SLC66A2: variants seen among roughly 807,000 people sequenced by gnomAD.
SLC66A2 encodes the protein solute carrier family 66 member 2.
Under a neutral mutation model 25.5 loss-of-function variants are expected in SLC66A2, and 23 were observed. The ratio of observed to expected loss-of-function variants is 0.90; its 90% CI spans 0.65 to 1.28. The LOEUF (loss-of-function observed/expected upper bound fraction) is 1.28, where lower values mean the gene tolerates loss of function less well. Ranked by LOEUF, SLC66A2 falls within the 50% of genes most tolerant of loss-of-function variation. The pLI is 0.00. For synonymous variants in SLC66A2, 193 were observed against 166.5 expected, an observed-to-expected ratio of 1.16 and a Z score of -1.23; for missense variants, 396 against 373.1, an observed-to-expected ratio of 1.06 and a Z score of -0.51.
At chr18:79,936,463 C>A (rs546984466) in intron 3 of SLC66A2, among the ~76,000 whole-genome samples, 1 of 152,166 alleles carries the variant, frequency 6.6e-6, no homozygotes, top group African/African-American at 2.4e-5. Flanking sequence ...TGTGCAAACA[C>A]CATCACTATC....
At position 79,918,420 on chromosome 18, in the gene SLC66A2, C is replaced by CCG. The variant is rs1555702988; in HGVS notation, c.608+763_608+764insCG. On this transcript the variant is annotated intron_variant, in intron 5 of 5. Coordinates refer to ENST00000397778, the MANE Select transcript of SLC66A2 (RefSeq NM_025078.5). This position sits in a 1 kb window ranked among gnomAD's most constrained non-coding sequence, Gnocchi z 4.0. ...GCGGATCCCCAGTGAGGAGCGGGCC[C>CCG]GGGGGGGGGTCCCCAGTGAGGAGCG... Among the ~76,000 whole-genome samples, 1 of 109,016 alleles carries CCG rather than the reference C, an allele frequency of 9.2e-6. No individual in the cohort carries two copies. The highest frequency in any genetic ancestry group is 3.2e-4 in the South Asian group (1 of 3,118). The allele number at this position is 109,016 out of a possible 152,430, so 71.5% of individuals were successfully genotyped here. A position where few individuals can be genotyped will look rare whatever the true frequency, so the allele number is the denominator to read the frequency against.
intron 5 of SLC66A2, among the ~76,000 whole-genome samples, chr18:79,911,582 G>A (rs529659700): frequency 1.3e-5 from 2 of 152,356 alleles, no homozygotes; most frequent in East Asian, 1.9e-4. Flanking sequence ...CTGCAGGCAC[G>A]GAGCCATCAC....
At chr18:79,945,564 T>C (rs1179138470) in intron 2 of SLC66A2, among the ~76,000 whole-genome samples, 1 of 152,042 alleles carries the variant, frequency 6.6e-6, no homozygotes, top group African/African-American at 2.4e-5. Flanking sequence ...AAGGCAAGAC[T>C]AAGAGGCAAA....
rs1282832271 is a variant in SLC66A2, at chr18:79,950,956, G to C, written c.-30C>G. On this transcript the variant is annotated 5_prime_UTR_variant, in exon 2 of 6. Transcript: ENST00000397778. Reference sequence around the variant, plus strand: ...GCGCCCGCCTGGCCGAGGCTGTCACGGGCTCCGCGCCCCGCGGGCCACCGG... The same window carrying C: ...GCGCCCGCCTGGCCGAGGCTGTCACCGGCTCCGCGCCCCGCGGGCCACCGG... 1 of 1,479,000 alleles carries C rather than the reference G, an allele frequency of 6.8e-7. No individual in the cohort carries two copies. Among genetic ancestry groups the C allele is most frequent in the South Asian group, 1.3e-5 (1 of 77,548 alleles). 91.6% of individuals were successfully genotyped at this position (1,479,000 alleles called of 1,614,324 possible).
chr18:79,945,838 G>A (rs2050906851), intron 2 of SLC66A2, among the ~76,000 whole-genome samples: 1 of 152,216 alleles, frequency 6.6e-6, no homozygotes, highest in African/African-American at 2.4e-5. Context: ...TCACTTCCAG[G>A]GCCGTTCTCC....
intron 5 of SLC66A2, among the ~76,000 whole-genome samples, chr18:79,914,559 G>A (rs948203226): frequency 7.8e-6 from 1 of 128,216 alleles, no homozygotes; most frequent in Non-Finnish European, 1.8e-5. Flanking sequence ...AAGTGGCAAA[G>A]GGGAGAGACA....
chr18:79,937,322 AG>A lies in SLC66A2; in HGVS notation c.338-3301del, dbSNP rs1261740743. ...GCGAGACCCCTCATGCTGGGTCGAA[AG>A]GGCCCAGCAGCATCTGACGCGGCTC... On this transcript the variant is annotated intron_variant, in intron 3 of 5. Coordinates refer to ENST00000397778, the MANE Select transcript of SLC66A2 (RefSeq NM_025078.5). The surrounding 1 kb of genome is among the most constrained non-coding windows in gnomAD (Gnocchi z 5.4). Among the ~76,000 whole-genome samples, 1 of 152,194 alleles carries A rather than the reference AG, an allele frequency of 6.6e-6. No homozygotes were observed. The highest frequency in any genetic ancestry group is 1.5e-5 in the Non-Finnish European group (1 of 68,038).
chr18:79,934,114 T>A (rs1986843415), intron 3 of SLC66A2, 92 bp from the exon 4 acceptor site: 3 of 963,048 alleles, frequency 3.1e-6, no homozygotes, highest in Non-Finnish European at 4.6e-6. Context: ...TTCCCAGAAC[T>A]TTTTGCATTT....
At chr18:79,932,442 C>A (rs575485342) in intron 4 of SLC66A2, among the ~76,000 whole-genome samples, 2 of 151,828 alleles carry the variant, frequency 1.3e-5, no homozygotes, top group East Asian at 1.9e-4. Flanking sequence ...AAAATTGGTT[C>A]TCTGATAGGC....
Position 79,933,964 on chromosome 18 carries a change from C to T in SLC66A2, c.391+5G>A. The T allele has an allele frequency of 6.2e-7, 1 of 1,611,348 alleles. No homozygotes were observed. The highest frequency in any genetic ancestry group is 2.2e-5 in the East Asian group (1 of 44,832). On this transcript the variant is annotated splice_donor_5th_base_variant and intron_variant, in intron 4 of 5. Transcript: ENST00000397778. Reference sequence around the variant, plus strand: ...CTGCGGACAGTGCACGCGCAGGGTACATACCCAGGAAGGACCGCCTGGGGG... The same window carrying T: ...CTGCGGACAGTGCACGCGCAGGGTATATACCCAGGAAGGACCGCCTGGGGG...
In SLC66A2 at chr18:79,904,168, G is replaced by A. The variant is rs370988554; in HGVS notation, c.624C>T (p.Leu208=). Residue 208 remains leucine (L), a synonymous_variant, in exon 6 of 6, where the codon CTC becomes CTT. Transcript: ENST00000397778. This position sits in a 1 kb window ranked among gnomAD's most constrained non-coding sequence, Gnocchi z 6.3. ...STEGMSIKMV[L]MWTSGDAFKT... ...TGAAGGCGTCACCACTGGTCCACAT[G>A]AGCACCATCTTGATGCTGTGGAGAC... The A allele has an allele frequency of 6.2e-7, 1 of 1,612,934 alleles. No individual in the cohort carries two copies. Among genetic ancestry groups the A allele is most frequent in the African/African-American group, 1.3e-5 (1 of 74,998 alleles).
chr18:79,943,964 G>A (rs577125687), intron 2 of SLC66A2: 117 of 171,774 alleles, frequency 6.8e-4, no homozygotes, highest in African/African-American at 2.6e-3. Flanking sequence ...CGGCATCCCG[G>A]GGAAGGAGCC....
rs1297401510 is a variant in SLC66A2, at chr18:79,950,833, G to A, written c.94C>T (p.Pro32Ser). The change falls in exon 2 of 6, where the codon CCC (proline) becomes TCC (serine). Residue 32 changes from proline (P) to serine (S), a missense_variant. Transcript: ENST00000397778. The stretch of plus-strand genomic sequence containing the variant: ...ATGTCCCGATACTGCGGGACGTAGG[G>A]CACCACCCCTCCGAAGACCATGGCC... ...AAAMVFGGVVPYVPQYRDIRR... is the reference protein window; with the variant it reads ...AAAMVFGGVVSYVPQYRDIRR... 3.1e-6 allele frequency: 5 copies of A among 1,612,358 alleles called. No individual in the cohort carries two copies. The highest frequency in any genetic ancestry group is 2.7e-5 in the African/African-American group (2 of 74,922).
intron 4 of SLC66A2, among the ~76,000 whole-genome samples, chr18:79,924,575 G>A (rs1410566782): frequency 6.6e-6 from 1 of 152,126 alleles, no homozygotes; most frequent in African/African-American, 2.4e-5. Context: ...TGATAAAATT[G>A]TGAATTTTAT....
intron 5 of SLC66A2, among the ~76,000 whole-genome samples, chr18:79,916,227 C>G (rs867116591): frequency 7.7e-6 from 1 of 129,900 alleles, no homozygotes. Context: ...CTTGTACCTG[C>G]GGCACTCCCG....
rs1392561821 is a variant in SLC66A2, at chr18:79,903,141, C to T, written c.*835G>A. ...CTGCACCCAGAAGGAAGGGGATCTC[C>T]GCCAGCAGAGCCCAAGAGTGGCGTG... On this transcript the variant is annotated 3_prime_UTR_variant, in exon 6 of 6. Transcript: ENST00000397778. 6.6e-6 allele frequency: 1 copy of T among 152,330 alleles called. No individual in the cohort carries two copies. The highest frequency in any genetic ancestry group is 1.5e-5 in the Non-Finnish European group (1 of 68,122). The allele number at this position is 152,330 out of a possible 1,614,324, so 9.4% of individuals were successfully genotyped here.
chr18:79,903,689 T>G lies in SLC66A2; in HGVS notation c.*287A>C. 2.2e-6 allele frequency: 1 copy of G among 449,108 alleles called. No homozygotes were observed. Among genetic ancestry groups the G allele is most frequent in the Non-Finnish European group, 3.9e-6 (1 of 254,176 alleles). The allele number at this position is 449,108 out of a possible 1,614,324, so 27.8% of individuals were successfully genotyped here. ...TGTGTACCTTGGGCTCAGACGGTGT[T>G]TCATAAGAGGAAATGGGGAAAACAC... On this transcript the variant is annotated 3_prime_UTR_variant, in exon 6 of 6. Coordinates refer to ENST00000397778, the MANE Select transcript of SLC66A2 (RefSeq NM_025078.5).
chr18:79,936,183 T>G (rs147021887), intron 3 of SLC66A2, among the ~76,000 whole-genome samples: 1 of 151,812 alleles, frequency 6.6e-6, no homozygotes. Context: ...GTATGGGGAG[T>G]GCAGGGGTGA....
intron 4 of SLC66A2, 57 bp from the exon 5 acceptor site, chr18:79,919,457 A>G: frequency 6.8e-7 from 1 of 1,479,202 alleles, no homozygotes; most frequent in Non-Finnish European, 9.4e-7. Flanking sequence ...TGAGGAGTCA[A>G]GGTCAGTGGG....
Sources: allele counts gnomAD v4.1 joint callset (sites outside exome capture counted in the v4.1 genomes callset), GRCh38; gene constraint gnomAD v4.1.1; non-coding constraint Gnocchi (gnomAD v3.1); transcripts MANE v1.5; gene names NCBI Gene and HGNC (gene_info 2026-07-23, HGNC 2026-07-21).